PDE3A: variants seen among roughly 807,000 people sequenced by gnomAD.
PDE3A encodes the protein phosphodiesterase 3A, also known as cGMP-inhibited 3',5'-cyclic phosphodiesterase 3A.
A neutral mutation model predicts 98.3 loss-of-function variants in PDE3A; 43 were observed. That is an observed-to-expected ratio of 0.44 (90% CI 0.34 to 0.56). The LOEUF is 0.56. Ranked by LOEUF, PDE3A falls within the 20% of genes least tolerant of loss-of-function variation. The pLI is 0.01. For synonymous variants in PDE3A, 663 were observed against 567.9 expected, an observed-to-expected ratio of 1.17 and a Z score of -2.38; for missense variants, 1,427 against 1,440.7, an observed-to-expected ratio of 0.99 and a Z score of 0.15.
At position 20,615,718 on chromosome 12, in the gene PDE3A, GTTATGTAT is replaced by G. The variant is rs1275404371; in HGVS notation, c.1270-507_1270-500del. Among the ~76,000 whole-genome samples the G allele has an allele frequency of 1.3e-5, 2 of 151,518 alleles. 1 individual carries two copies. Among genetic ancestry groups the G allele is most frequent in the African/African-American group, 4.9e-5 (2 of 41,116 alleles). ...TTGAAATAAAGACCCTAAAAGGTTG[GTTATGTAT>G]TTATTTATTTATTTATTAGACAGAC... On this transcript the variant is annotated intron_variant, in intron 3 of 15. Transcript: ENST00000359062.
intron 1 of PDE3A, among the ~76,000 whole-genome samples, chr12:20,479,243 T>C (rs1160991799): frequency 1.3e-5 from 2 of 152,228 alleles, no homozygotes; most frequent in Admixed American, 1.3e-4. Flanking sequence ...AATTCATTTT[T>C]ATGTACATAA....
At chr12:20,526,521 A>G (rs1946522762) in intron 1 of PDE3A, among the ~76,000 whole-genome samples, 1 of 152,218 alleles carries the variant, frequency 6.6e-6, no homozygotes, top group South Asian at 2.1e-4. Context: ...GGTATGTATA[A>G]TATGCCTTCT....
intron 2 of PDE3A, among the ~76,000 whole-genome samples, chr12:20,604,215 G>A (rs1293002036): frequency 6.6e-6 from 1 of 151,164 alleles, no homozygotes; most frequent in African/African-American, 2.4e-5. Flanking sequence ...GAAGAGGGGA[G>A]GGGAGGAGAG....
At chr12:20,652,094 G>T (rs1306122358) in intron 14 of PDE3A, among the ~76,000 whole-genome samples, 2 of 152,166 alleles carry the variant, frequency 1.3e-5, no homozygotes, top group East Asian at 1.9e-4. Context: ...CAAAGGACAT[G>T]AACTCATCCT....
chr12:20,420,032 A>C (rs1944486006), intron 1 of PDE3A, among the ~76,000 whole-genome samples: 1 of 152,226 alleles, frequency 6.6e-6, no homozygotes, highest in African/African-American at 2.4e-5. Flanking sequence ...ATCATTAAAA[A>C]GAAACTGTGG....
At chr12:20,565,295 T>C (rs11045311) in intron 2 of PDE3A, among the ~76,000 whole-genome samples, 18,239 of 152,010 alleles carry the variant, frequency 0.12, 1,219 homozygotes, top group Middle Eastern at 0.22. Flanking sequence ...ATCTTTGAAT[T>C]GCAATATCTG....
chr12:20,400,416 T>G (rs1274125578), intron 1 of PDE3A, among the ~76,000 whole-genome samples: 62 of 59,358 alleles, frequency 1.0e-3, no homozygotes, highest in Admixed American at 7.7e-3. Flanking sequence ...TTTTTTTTTT[T>G]TTTTTTTTGA....
chr12:20,671,665 A>C (rs1311903999), intron 15 of PDE3A, among the ~76,000 whole-genome samples: 3 of 148,264 alleles, frequency 2.0e-5, no homozygotes, highest in South Asian at 2.2e-4. Context: ...CATGCTAAAA[A>C]CTCTCAATAA....
chr12:20,645,434 G>A (rs1944755081), intron 10 of PDE3A, among the ~76,000 whole-genome samples: 1 of 151,934 alleles, frequency 6.6e-6, no homozygotes, highest in African/African-American at 2.4e-5. Context: ...TGTCATTCTT[G>A]TTCTCTCCTG....
intron 15 of PDE3A, among the ~76,000 whole-genome samples, chr12:20,663,589 CT>C (rs1945234644): frequency 6.6e-6 from 1 of 152,180 alleles, no homozygotes; most frequent in Non-Finnish European, 1.5e-5. Flanking sequence ...AACAACTGCC[CT>C]TTTGAATTTT....
At chr12:20,634,644 A>G (rs1198015934) in intron 7 of PDE3A, among the ~76,000 whole-genome samples, 4 of 152,176 alleles carry the variant, frequency 2.6e-5, no homozygotes, top group Non-Finnish European at 5.9e-5. Flanking sequence ...TGTTAAAGGT[A>G]TGAACTGTTG....
At chr12:20,394,252 T>C (rs1440687572) in intron 1 of PDE3A, among the ~76,000 whole-genome samples, 1 of 152,096 alleles carries the variant, frequency 6.6e-6, no homozygotes, top group Non-Finnish European at 1.5e-5. Context: ...AATGGTAGAC[T>C]GTTTCATGTT....
intron 2 of PDE3A, among the ~76,000 whole-genome samples, chr12:20,584,587 T>A (rs982448162): frequency 2.0e-5 from 3 of 152,140 alleles, no homozygotes; most frequent in East Asian, 1.9e-4. Flanking sequence ...TATTTTATTT[T>A]AAAAAAATTG....
intron 15 of PDE3A, among the ~76,000 whole-genome samples, chr12:20,654,866 C>A (rs1385027990): frequency 6.6e-6 from 1 of 152,024 alleles, no homozygotes; most frequent in Admixed American, 6.6e-5. Flanking sequence ...ACCATAAAGA[C>A]CAGTCATAGG....
intron 4 of PDE3A, among the ~76,000 whole-genome samples, chr12:20,617,436 G>A (rs1386296777): frequency 6.6e-6 from 1 of 151,930 alleles, no homozygotes; most frequent in Non-Finnish European, 1.5e-5. Flanking sequence ...CTATTACCTG[G>A]ACTTTTGTAA....
intron 1 of PDE3A, among the ~76,000 whole-genome samples, chr12:20,491,537 C>A (rs1235807758): frequency 6.6e-6 from 1 of 152,140 alleles, no homozygotes; most frequent in Non-Finnish European, 1.5e-5. Context: ...AAGCTGCCAT[C>A]TTGGATCCCG....
At chr12:20,665,212 A>G (rs1269574048) in intron 15 of PDE3A, among the ~76,000 whole-genome samples, 2 of 152,320 alleles carry the variant, frequency 1.3e-5, no homozygotes, top group Admixed American at 6.5e-5. Context: ...CATCATATTT[A>G]TCTTGTCTGT....
intron 1 of PDE3A, chr12:20,371,258 A>G (rs746254218): frequency 1.2e-4 from 62 of 533,956 alleles, no homozygotes; most frequent in Non-Finnish European, 1.4e-4. Context: ...TCCCAATTTT[A>G]AATGCATACG....
chr12:20,551,964 C>T, intron 1 of PDE3A: 1 of 1,612,860 alleles, frequency 6.2e-7, no homozygotes. Context: ...ATCGGCCCCA[C>T]GTGGCTGGCA....
Sources: gnomAD v4.1 joint callset for allele counts (sites outside exome capture counted in the v4.1 genomes callset) on GRCh38, gnomAD v4.1.1 for gene constraint, MANE v1.5 for transcripts, NCBI Gene and HGNC (gene_info 2026-07-23, HGNC 2026-07-21) for gene names.